The following CNTN4 variants were observed in gnomAD, a reference collection of about 807,000 sequenced individuals.
CNTN4 encodes contactin-4.
In CNTN4, 77 loss-of-function variants were observed where a neutral mutation model predicts 122.5. The observed-to-expected ratio is 0.63, with a 90% CI of 0.52 to 0.76. The LOEUF (loss-of-function observed/expected upper bound fraction) is 0.76, where lower values mean the gene tolerates loss of function less well. Ranked by LOEUF, CNTN4 falls within the 30% of genes least tolerant of loss-of-function variation. The pLI is 0.00. For synonymous variants in CNTN4, 512 were observed against 447.0 expected (o/e 1.15, Z -1.83); for missense variants, 1,256 against 1,259.1 (o/e 1.00, Z 0.04).
intron 6 of CNTN4, among the ~76,000 whole-genome samples, chr3:2,767,149 A>G (rs4643695): frequency 0.68 from 102,722 of 152,114 alleles, 36,465 homozygotes; most frequent in Non-Finnish European, 0.79. Context: ...AGCGAGGGTG[A>G]CAAAGAGAAG....
intron 4 of CNTN4, among the ~76,000 whole-genome samples, chr3:2,657,235 A>T (rs998296884): frequency 2.6e-5 from 4 of 152,216 alleles, no homozygotes; most frequent in African/African-American, 9.6e-5. Flanking sequence ...TCTAGCTTCG[A>T]GGCACTTATT....
At chr3:2,795,998 A>G (rs1269991979) in intron 6 of CNTN4, among the ~76,000 whole-genome samples, 1 of 152,190 alleles carries the variant, frequency 6.6e-6, no homozygotes, top group Non-Finnish European at 1.5e-5. Flanking sequence ...TGTCTAGTTT[A>G]TTAATCACAG....
At chr3:2,149,187 C>T (rs907085523) in intron 2 of CNTN4, among the ~76,000 whole-genome samples, 2 of 152,086 alleles carry the variant, frequency 1.3e-5, no homozygotes, top group African/African-American at 4.8e-5. Flanking sequence ...AGAAATGCTC[C>T]GTCTGCCTTC....
chr3:2,184,909 T>C (rs1217866008), intron 2 of CNTN4, among the ~76,000 whole-genome samples: 1 of 152,224 alleles, frequency 6.6e-6, no homozygotes, highest in Admixed American at 6.5e-5. Flanking sequence ...CTGGCCCTTC[T>C]GCAAAAATTC....
intron 2 of CNTN4, among the ~76,000 whole-genome samples, chr3:2,119,999 A>AC (rs1353104133): frequency 6.6e-6 from 1 of 151,974 alleles, no homozygotes; most frequent in Non-Finnish European, 1.5e-5. Context: ...GAATTTTGAG[A>AC]CCCCCAAACT....
chr3:2,957,286 C>G (rs2094809936), intron 13 of CNTN4, among the ~76,000 whole-genome samples: 1 of 152,096 alleles, frequency 6.6e-6, no homozygotes, highest in African/African-American at 2.4e-5. Flanking sequence ...TTTCCACACC[C>G]TAGTCAATGC....
At chr3:3,044,096 G>A (rs4685597) in intron 23 of CNTN4, among the ~76,000 whole-genome samples, 37,743 of 151,786 alleles carry the variant, frequency 0.25, 4,882 homozygotes, top group Middle Eastern at 0.33. Flanking sequence ...ATTTTTGTTC[G>A]TATGTTTCTA....
chr3:2,326,977 C>A (rs2043489327), intron 2 of CNTN4, among the ~76,000 whole-genome samples: 1 of 152,170 alleles, frequency 6.6e-6, no homozygotes. Context: ...CATAAAACAA[C>A]TTCCCACCTA....
intron 2 of CNTN4, among the ~76,000 whole-genome samples, chr3:2,239,721 AC>A (rs2039856180): frequency 1.3e-5 from 2 of 152,348 alleles, no homozygotes; most frequent in African/African-American, 4.8e-5. Context: ...TTAAGAAGTT[AC>A]AGGGACCAAG....
chr3:2,378,186 T>G (rs1252160397), intron 3 of CNTN4, among the ~76,000 whole-genome samples: 1 of 152,212 alleles, frequency 6.6e-6, no homozygotes, highest in Non-Finnish European at 1.5e-5. Flanking sequence ...TAGAATTTAT[T>G]TCTCAAGTTC....
intron 5 of CNTN4, among the ~76,000 whole-genome samples, chr3:2,739,358 A>G (rs2089322486): frequency 6.6e-6 from 1 of 152,224 alleles, no homozygotes; most frequent in Non-Finnish European, 1.5e-5. Context: ...CACGTACTCT[A>G]TGATCCAGTG....
intron 2 of CNTN4, among the ~76,000 whole-genome samples, chr3:2,102,475 G>C (rs1234332399): frequency 1.3e-5 from 2 of 152,138 alleles, no homozygotes; most frequent in African/African-American, 4.8e-5. Context: ...AGATATAACA[G>C]ATCCAAAAGG....
intron 10 of CNTN4, among the ~76,000 whole-genome samples, chr3:2,897,441 A>AT (rs2094127719): frequency 6.6e-6 from 1 of 150,472 alleles, no homozygotes; most frequent in African/African-American, 2.4e-5. Flanking sequence ...ATATATTACA[A>AT]AAAAAAAAAG....
intron 3 of CNTN4, among the ~76,000 whole-genome samples, chr3:2,567,173 G>A (rs932048183): frequency 8.2e-5 from 12 of 146,110 alleles, no homozygotes; most frequent in South Asian, 4.5e-4. Context: ...TGCAACCTCC[G>A]CCTCCTGGGT....
intron 4 of CNTN4, among the ~76,000 whole-genome samples, chr3:2,650,323 C>T (rs2083306045): frequency 1.3e-5 from 2 of 152,042 alleles, no homozygotes. Flanking sequence ...CATGATAAAA[C>T]TTGAATGGAT....
intron 2 of CNTN4, among the ~76,000 whole-genome samples, chr3:2,208,486 A>G (rs1388524069): frequency 6.6e-6 from 1 of 152,146 alleles, no homozygotes; most frequent in East Asian, 1.9e-4. Flanking sequence ...TCTGAGATGA[A>G]ATCTACTCCT....
chr3:2,382,931 T>G (rs967795130), intron 3 of CNTN4, among the ~76,000 whole-genome samples: 1 of 151,910 alleles, frequency 6.6e-6, no homozygotes, highest in African/African-American at 2.4e-5. Context: ...AAAAATTAGC[T>G]GGGCATGGTG....
chr3:2,840,572 G>A (rs191605385), intron 7 of CNTN4, among the ~76,000 whole-genome samples: 7 of 63,294 alleles, frequency 1.1e-4, no homozygotes, highest in African/African-American at 2.3e-4. Flanking sequence ...GGTGATGGGC[G>A]CCTGTAGTCC....
intron 4 of CNTN4, among the ~76,000 whole-genome samples, chr3:2,706,228 A>AT (rs1407287539): frequency 6.6e-6 from 1 of 151,896 alleles, no homozygotes; most frequent in Non-Finnish European, 1.5e-5. Context: ...ACATCACAAT[A>AT]GAATGTATTT....
Sources: gnomAD v4.1 joint callset for allele counts (sites outside exome capture counted in the v4.1 genomes callset) on GRCh38, gnomAD v4.1.1 for gene constraint, MANE v1.5 for transcripts, NCBI Gene and HGNC (gene_info 2026-07-23, HGNC 2026-07-21) for gene names.